The following AGBL1 variants were observed in gnomAD, a reference collection of about 807,000 sequenced individuals.
The protein encoded by AGBL1 is AGBL carboxypeptidase 1, also known as cytosolic carboxypeptidase 4.
Under a neutral mutation model 118.9 loss-of-function variants are expected in AGBL1, and 130 were observed. The ratio of observed to expected loss-of-function variants is 1.09; its 90% confidence interval spans 0.95 to 1.26. The LOEUF (loss-of-function observed/expected upper bound fraction) is 1.26, where lower values mean the gene tolerates loss of function less well. Ranked by LOEUF, AGBL1 falls within the 50% of genes most tolerant of loss-of-function variation. AGBL1 has a pLI of 0.00. For missense variants in AGBL1, 1,584 were observed against 1,298.1 expected (o/e 1.22, Z -3.38); for synonymous variants, 555 against 478.9 (o/e 1.16, Z -2.08).
intron 22 of AGBL1, among the ~76,000 whole-genome samples, chr15:86,893,106 C>T (rs1016006942): frequency 7.9e-5 from 12 of 152,118 alleles, no homozygotes; most frequent in Admixed American, 3.9e-4. Flanking sequence ...GCTCTTTTCT[C>T]GCCTGCAAAA....
chr15:86,664,349 G>T (rs923866324), intron 21 of AGBL1, among the ~76,000 whole-genome samples: 1 of 152,270 alleles, frequency 6.6e-6, no homozygotes, highest in South Asian at 2.1e-4. Flanking sequence ...TTTCTTCTCT[G>T]CTACCTATTA....
At chr15:86,865,179 G>A (rs996007166) in intron 22 of AGBL1, among the ~76,000 whole-genome samples, 1 of 152,142 alleles carries the variant, frequency 6.6e-6, no homozygotes, top group African/African-American at 2.4e-5. Flanking sequence ...TCATTTCACT[G>A]AAGTTTAGGA....
intron 23 of AGBL1, among the ~76,000 whole-genome samples, chr15:86,929,788 T>C (rs1000756877): frequency 5.3e-5 from 8 of 152,232 alleles, no homozygotes; most frequent in East Asian, 3.8e-4. Flanking sequence ...TTTATGATCA[T>C]TGACATTCAT....
intron 23 of AGBL1, among the ~76,000 whole-genome samples, chr15:86,941,373 A>AAT (rs2080749535): frequency 6.6e-6 from 1 of 152,206 alleles, no homozygotes; most frequent in Admixed American, 6.5e-5. Context: ...AAATATTCTA[A>AAT]TAGGGAATTG....
chr15:86,558,570 C>A (rs566010353), intron 21 of AGBL1, among the ~76,000 whole-genome samples: 1 of 152,294 alleles, frequency 6.6e-6, no homozygotes, highest in East Asian at 1.9e-4. Context: ...ATCTCAGCAT[C>A]TCAGAGGCTG....
At chr15:86,521,721 A>T (rs538282277) in intron 18 of AGBL1, among the ~76,000 whole-genome samples, 26 of 152,210 alleles carry the variant, frequency 1.7e-4, no homozygotes, top group Non-Finnish European at 3.2e-4. Context: ...GGGCTGTTGC[A>T]GCACACTACA....
At chr15:86,940,137 A>G (rs144700896) in intron 23 of AGBL1, among the ~76,000 whole-genome samples, 2,014 of 124,896 alleles carry the variant, frequency 0.016, 22 homozygotes, top group African/African-American at 0.018. Context: ...TCGAACTTCT[A>G]TGCTCAAGAG....
intron 22 of AGBL1, among the ~76,000 whole-genome samples, chr15:86,792,722 G>C (rs963585926): frequency 1.3e-5 from 2 of 152,018 alleles, no homozygotes; most frequent in African/African-American, 4.8e-5. Context: ...TGGGAGGATT[G>C]CTTGATCCCA....
At chr15:86,344,491 G>A (rs1282153560) in intron 17 of AGBL1, among the ~76,000 whole-genome samples, 1 of 152,006 alleles carries the variant, frequency 6.6e-6, no homozygotes, top group African/African-American at 2.4e-5. Context: ...GTGCAGCCAT[G>A]TAGGATAGCC....
At chr15:86,993,235 C>T (rs1292937300) in intron 24 of AGBL1, among the ~76,000 whole-genome samples, 1 of 152,094 alleles carries the variant, frequency 6.6e-6, no homozygotes, top group Non-Finnish European at 1.5e-5. Context: ...GCAGCTGGAT[C>T]CTTATTTTTC....
chr15:86,133,480 T>G (rs2076845313), intron 1 of AGBL1, among the ~76,000 whole-genome samples: 1 of 152,214 alleles, frequency 6.6e-6, no homozygotes, highest in African/African-American at 2.4e-5. Context: ...CTCTGCACAA[T>G]ACATCCCTCC....
chr15:86,768,732 C>G (rs1471758637), intron 22 of AGBL1, among the ~76,000 whole-genome samples: 1 of 151,902 alleles, frequency 6.6e-6, no homozygotes, highest in Non-Finnish European at 1.5e-5. Flanking sequence ...ATGAAATTAA[C>G]TTTTTAACAT....
At chr15:86,364,783 C>A (rs1458498961) in intron 17 of AGBL1, among the ~76,000 whole-genome samples, 2 of 151,514 alleles carry the variant, frequency 1.3e-5, no homozygotes, top group Non-Finnish European at 2.9e-5. Context: ...TAGAAAAGCA[C>A]CTTACCTACA....
chr15:86,664,843 CAT>C (rs895467815), intron 21 of AGBL1, among the ~76,000 whole-genome samples: 1 of 129,006 alleles, frequency 7.8e-6, no homozygotes, highest in African/African-American at 2.8e-5. Context: ...TTTAAAATCA[CAT>C]ATTACATAAA....
intron 18 of AGBL1, among the ~76,000 whole-genome samples, chr15:86,497,605 C>T (rs1414367219): frequency 6.6e-6 from 1 of 151,904 alleles, no homozygotes; most frequent in Non-Finnish European, 1.5e-5. Context: ...GGACCTGGGG[C>T]CCCATCATTT....
intron 17 of AGBL1, among the ~76,000 whole-genome samples, chr15:86,354,711 C>T (rs1403613363): frequency 6.6e-6 from 1 of 152,118 alleles, no homozygotes; most frequent in Non-Finnish European, 1.5e-5. Flanking sequence ...TTGCCCTAAT[C>T]CCTTAATTCT....
intron 18 of AGBL1, among the ~76,000 whole-genome samples, chr15:86,501,080 G>A (rs781288940): frequency 7.4e-5 from 11 of 149,636 alleles, no homozygotes; most frequent in Admixed American, 1.3e-4. Flanking sequence ...ACACTTTAAG[G>A]AACTACAAAC....
At chr15:86,516,709 G>T (rs192909903) in intron 18 of AGBL1, among the ~76,000 whole-genome samples, 1 of 151,130 alleles carries the variant, frequency 6.6e-6, no homozygotes, top group Non-Finnish European at 1.5e-5. Flanking sequence ...GCTGAGGCAG[G>T]AGAATCGCTT....
At chr15:86,542,355 GAT>G (rs1491193535) in intron 19 of AGBL1, among the ~76,000 whole-genome samples, 1 of 112,260 alleles carries the variant, frequency 8.9e-6, no homozygotes, top group Non-Finnish European at 1.7e-5. Flanking sequence ...CCACCATTGA[GAT>G]TTTTTTTTTT....
Sources: allele counts gnomAD v4.1 joint callset (sites outside exome capture counted in the v4.1 genomes callset), GRCh38; gene constraint gnomAD v4.1.1; transcripts MANE v1.5; gene names NCBI Gene and HGNC (gene_info 2026-07-23, HGNC 2026-07-21).